Variants in KIF21A observed in about 807,000 individuals in gnomAD.
KIF21A encodes kinesin-like protein KIF21A.
KIF21A carries 114 observed loss-of-function variants against 202.9 expected under a neutral mutation model. The ratio of observed to expected loss-of-function variants is 0.56; its 90% CI spans 0.48 to 0.66. The LOEUF (loss-of-function observed/expected upper bound fraction) is 0.66, where lower values mean the gene tolerates loss of function less well. Among genes scored for constraint, KIF21A ranks in the 30% least tolerant of loss-of-function variants. The pLI is 0.00. For synonymous variants in KIF21A, 667 were observed against 670.8 expected (o/e 0.99, Z 0.09); for missense variants, 1,677 against 1,994.9 (o/e 0.84, Z 3.04).
intron 1 of KIF21A, among the ~76,000 whole-genome samples, chr12:39,416,689 A>ATATATATATGTACATATATGTG (rs1953681878): frequency 4.2e-5 from 4 of 94,740 alleles, no homozygotes; most frequent in African/African-American, 2.9e-4. Flanking sequence ...ATATGTGTGT[A>ATATATATATGTACATATATGTG]TATATATATG....
At chr12:39,386,842 T>A (rs1950977954) in intron 1 of KIF21A, among the ~76,000 whole-genome samples, 1 of 152,144 alleles carries the variant, frequency 6.6e-6, no homozygotes, top group African/African-American at 2.4e-5. Context: ...TATTCCTTAC[T>A]AACCCAGTTA....
intron 1 of KIF21A, among the ~76,000 whole-genome samples, chr12:39,390,646 C>A: frequency 6.6e-6 from 1 of 151,388 alleles, no homozygotes; most frequent in Non-Finnish European, 1.5e-5. Flanking sequence ...GTATAACCTA[C>A]AAAAGATATT....
intron 1 of KIF21A, among the ~76,000 whole-genome samples, chr12:39,408,818 T>G (rs562550954): frequency 1.3e-5 from 1 of 79,276 alleles, no homozygotes; most frequent in African/African-American, 9.6e-5. Context: ...TTTTGTTGGT[T>G]TTTTTTTGTT....
chr12:39,407,099 C>A (rs1952651529), intron 1 of KIF21A, among the ~76,000 whole-genome samples: 1 of 152,166 alleles, frequency 6.6e-6, no homozygotes. Context: ...AAATTTTGCT[C>A]CTAGAATTAT....
chr12:39,357,493 T>C, intron 8 of KIF21A, 56 bp from the exon 9 acceptor site: 1 of 1,442,608 alleles, frequency 6.9e-7, no homozygotes, highest in Middle Eastern at 1.7e-4. Flanking sequence ...ACACAAGAGT[T>C]TTGCTTAAGA....
In KIF21A at chr12:39,332,919, T is replaced by G. The variant is rs201913108; in HGVS notation, c.2676A>C (p.Leu892Phe). The G allele has an allele frequency of 3.3e-5, 53 of 1,613,818 alleles. No homozygotes were observed. Among genetic ancestry groups the G allele is most frequent in the Non-Finnish European group, 4.5e-5 (53 of 1,180,012 alleles). The change falls in exon 19 of 38, where the codon TTA becomes TTC. Residue 892 changes from leucine (L) to phenylalanine (F), a missense_variant. Leu to Phe is a conservative substitution (Grantham distance 22). Around this residue, in one of 3 missense-constraint regions of KIF21A, gnomAD observed 966 missense variants for 1,180.9 expected, o/e 0.82. Transcript: ENST00000361418. ...MRIPVARVQA[L>F]PTPATNGNRK... ...TGTTTCCATTTGTTGCCGGCGTTGG[T>G]AAGGCCTGGACTCTCGCCACAGGAA...
intron 17 of KIF21A, among the ~76,000 whole-genome samples, chr12:39,334,456 G>A (rs1428671491): frequency 6.6e-6 from 1 of 151,930 alleles, no homozygotes; most frequent in Non-Finnish European, 1.5e-5. Context: ...TCATCAGATG[G>A]GAATTCCTTG....
In KIF21A at chr12:39,424,852, G is replaced by A. The variant is rs566928261; in HGVS notation, c.44+18075C>T. On this transcript the variant is annotated intron_variant, in intron 1 of 37. Coordinates refer to ENST00000361418, the MANE Select transcript of KIF21A (RefSeq NM_001173464.2). Reference sequence around the variant, plus strand: ...ACCGAGCAACAAGAGTTATCTTTCTGAAATGCATATTAGATCATGTCACAT... The same window carrying A: ...ACCGAGCAACAAGAGTTATCTTTCTAAAATGCATATTAGATCATGTCACAT... 2.6e-5 allele frequency among the ~76,000 whole-genome samples: 4 copies of A among 152,036 alleles called. No individual in the cohort carries two copies. The East Asian group carries it at 7.7e-4, about 29-fold the overall frequency.
chr12:39,378,379 T>TA (rs1162310642), intron 1 of KIF21A, among the ~76,000 whole-genome samples: 1 of 151,696 alleles, frequency 6.6e-6, no homozygotes, highest in African/African-American at 2.4e-5. Context: ...GCTGACAAAA[T>TA]AAAGAAAAAA....
At chr12:39,349,309 A>G (rs1948169211) in intron 11 of KIF21A, among the ~76,000 whole-genome samples, 1 of 152,114 alleles carries the variant, frequency 6.6e-6, no homozygotes, top group Non-Finnish European at 1.5e-5. Flanking sequence ...GACATCATGT[A>G]TTTACAATAC....
chr12:39,401,408 T>C (rs1952164776), intron 1 of KIF21A, among the ~76,000 whole-genome samples: 3 of 152,186 alleles, frequency 2.0e-5, no homozygotes, highest in Admixed American at 2.0e-4. Flanking sequence ...AGGTAAATTC[T>C]TTACCCAATT....
chr12:39,387,161 TACACACACACACACACACACAC>T (rs3036323), intron 1 of KIF21A, among the ~76,000 whole-genome samples: 3 of 138,160 alleles, frequency 2.2e-5, no homozygotes, highest in African/African-American at 5.4e-5. Flanking sequence ...ATGCAGTAGT[TACACACACACACACACACACAC>T]ACACACACAC....
intron 34 of KIF21A, among the ~76,000 whole-genome samples, chr12:39,305,884 AATACACATAAGTGCATGTACATCATAT>A (rs1186423907): frequency 2.6e-5 from 4 of 152,222 alleles, no homozygotes; most frequent in Non-Finnish European, 5.9e-5. Context: ...CATTTTCACA[AATACACATAAGTGCATGTACATCATAT>A]ATACACATAT....
chr12:39,330,911 C>A lies in KIF21A; in HGVS notation c.3154G>T (p.Gly1052Cys). 6.2e-7 allele frequency: 1 copy of A among 1,613,816 alleles called. No individual in the cohort carries two copies. Among genetic ancestry groups the A allele is most frequent in the Non-Finnish European group, 8.5e-7 (1 of 1,179,810 alleles). ...GCCTCTTTCTGGGCAGCCTGAAGAC[C>A]CTGAAACACAACAAAAAATTATCTT... Reference protein sequence around the residue: ...DHFLSMGINKGLQAAQKEAQI... With the variant: ...DHFLSMGINKCLQAAQKEAQI... Residue 1052 changes from glycine (G) to cysteine (C), a missense_variant and splice_region_variant, in exon 23 of 38, where the codon GGT becomes TGT. By Grantham distance (159) the Gly-to-Cys change is radical (BLOSUM62 -3). Around this residue, in one of 3 missense-constraint regions of KIF21A, gnomAD observed 705 missense variants for 791.9 expected, o/e 0.89. Transcript: ENST00000361418.
chr12:39,386,990 T>C (rs1405785308), intron 1 of KIF21A, among the ~76,000 whole-genome samples: 1 of 151,918 alleles, frequency 6.6e-6, no homozygotes, highest in Non-Finnish European at 1.5e-5. Flanking sequence ...GAGGTAACTG[T>C]CATTGATTAA....
At chr12:39,317,427 T>C (rs1944673416) in intron 29 of KIF21A, among the ~76,000 whole-genome samples, 1 of 152,176 alleles carries the variant, frequency 6.6e-6, no homozygotes, top group South Asian at 2.1e-4. Flanking sequence ...TATGGCATTC[T>C]TGCAAGAGAG....
rs755100773 is a variant in KIF21A at position 39,330,935 on chromosome 12, T to C, written c.3154-24A>G. The C allele has an allele frequency of 5.6e-6, 9 of 1,612,480 alleles. No homozygotes were observed. In the South Asian group the frequency reaches 8.8e-5, roughly 16 times the overall value. ...CCCTGAAACACAACAAAAAATTATCTTAGGTCATACGAAACAGGATCTACC... is the reference window on the plus strand; with the variant it reads ...CCCTGAAACACAACAAAAAATTATCCTAGGTCATACGAAACAGGATCTACC... On this transcript the variant is annotated intron_variant, in intron 22 of 37. Transcript: ENST00000361418.
Position 39,369,723 on chromosome 12 carries a change from T to C in KIF21A, c.450+6A>G. 2 of 1,608,552 alleles carry C rather than the reference T, an allele frequency of 1.2e-6. No individual in the cohort carries two copies. Among genetic ancestry groups the C allele is most frequent in the Non-Finnish European group, 1.7e-6 (2 of 1,176,770 alleles). On this transcript the variant is annotated splice_donor_region_variant and intron_variant, in intron 3 of 37. Coordinates refer to ENST00000361418, the MANE Select transcript of KIF21A (RefSeq NM_001173464.2). ...AAAGAAATTAATGCCAAAATTGGAT[T>C]ATTACCTCTAAGAATTGGGCATTCA...
Position 39,358,327 on chromosome 12 carries a change from T to G in KIF21A, c.1066A>C (p.Met356Leu), listed in dbSNP as rs768580958. The change falls in exon 8 of 38, where the codon ATG becomes CTG. Residue 356 changes from methionine (M) to leucine (L), a missense_variant. Physicochemically the swap from Met to Leu is conservative, Grantham distance 15. This residue lies in a region of KIF21A where 966 missense variants were observed against 1,180.9 expected (regional missense o/e 0.82). Coordinates refer to ENST00000361418, the MANE Select transcript of KIF21A (RefSeq NM_001173464.2). ...ACVSPSDRDFMETLNTLKYAN... is the reference protein window; with the variant it reads ...ACVSPSDRDFLETLNTLKYAN... ...TATTTCAGGGTGTTTAACGTTTCCA[T>G]AAAGTCTCTGTCTGAAGGGCTGACA... 3.7e-6 allele frequency: 6 copies of G among 1,614,024 alleles called. No individual in the cohort carries two copies. The highest frequency in any genetic ancestry group is 5.1e-6 in the Non-Finnish European group (6 of 1,180,008).
Sources: gnomAD v4.1 joint callset for allele counts (sites outside exome capture counted in the v4.1 genomes callset) on GRCh38, gnomAD v4.1.1 for gene constraint, gnomAD v4.1.1 regional missense constraint, MANE v1.5 for transcripts, NCBI Gene and HGNC (gene_info 2026-07-23, HGNC 2026-07-21) for gene names.